Variants in VPS36 observed in about 807,000 individuals in gnomAD.
The protein encoded by VPS36 is vacuolar protein sorting 36 homolog, also known as vacuolar protein-sorting-associated protein 36.
Under a neutral mutation model 63.5 loss-of-function variants are expected in VPS36, and 31 were observed. That is an observed-to-expected ratio of 0.49 (90% confidence interval 0.37 to 0.66). VPS36 has a LOEUF of 0.66. Ranked by LOEUF, VPS36 falls within the 30% of genes least tolerant of loss-of-function variation. VPS36 has a pLI of 0.00. For synonymous variants in VPS36, 138 were observed against 157.2 expected (o/e 0.88, Z 0.91); for missense variants, 338 against 463.7 (o/e 0.73, Z 2.49).
intron 3 of VPS36, 78 bp from the exon 4 acceptor site, chr13:52,436,482 G>T: frequency 9.7e-7 from 1 of 1,031,546 alleles, no homozygotes. Flanking sequence ...AACTTTTTAT[G>T]TATTTCAAAT....
chr13:52,445,430 G>T (rs994352172), intron 1 of VPS36, among the ~76,000 whole-genome samples: 1 of 151,674 alleles, frequency 6.6e-6, no homozygotes, highest in Non-Finnish European at 1.5e-5. Flanking sequence ...ACGAGGTCAG[G>T]AGATCGAGAC....
chr13:52,449,937 A>G (rs1182778481), intron 1 of VPS36: 1 of 985,446 alleles, frequency 1.0e-6, no homozygotes, highest in Non-Finnish European at 1.2e-6. Context: ...ATACCTCTTT[A>G]GGAAATCCTT....
rs192108755 is a variant in VPS36 at position 52,424,767 on chromosome 13, G to A, written c.775-1128C>T. ...TTGGGAGGCCAAGGCAGGGGGATCA[G>A]CTGAGGTCAGGAGTTCGAGACTAGC... On this transcript the variant is annotated intron_variant, in intron 9 of 13. Coordinates refer to ENST00000378060, the MANE Select transcript of VPS36 (RefSeq NM_016075.4). Among the ~76,000 whole-genome samples, 1,121 of 152,164 alleles carry A rather than the reference G, an allele frequency of 7.4e-3. 6 individuals are homozygous for A. Among genetic ancestry groups the A allele is most frequent in the African/African-American group, 0.017 (698 of 41,490 alleles).
At chr13:52,441,188 C>T (rs150085817) in intron 2 of VPS36, among the ~76,000 whole-genome samples, 3 of 152,138 alleles carry the variant, frequency 2.0e-5, no homozygotes, top group African/African-American at 4.8e-5. Context: ...CAATATCAGA[C>T]CTAGGAGACA....
In VPS36 at chr13:52,423,607, C is replaced by T. The variant is rs1958066770; in HGVS notation, c.807G>A (p.Val269=). ...ERGGIMSLTE[V]YCLVNRARGM... is the part of the protein sequence containing the mutation. ...CTCGAGCTCGGTTTACTAAGCAGTA[C>T]ACCTCCGTGAGTGACATTATTCCCC... is the stretch of plus-strand genomic sequence containing the variant. The change falls in exon 10 of 14, where the codon GTG becomes GTA. Residue 269 remains valine (V), a synonymous_variant. Transcript: ENST00000378060. 1 of 1,611,926 alleles carries T rather than the reference C, an allele frequency of 6.2e-7. No individual in the cohort carries two copies. Among genetic ancestry groups the T allele is most frequent in the African/African-American group, 1.3e-5 (1 of 74,904 alleles).
intron 1 of VPS36, among the ~76,000 whole-genome samples, chr13:52,448,559 T>G (rs1053305950): frequency 1.3e-5 from 2 of 152,234 alleles, no homozygotes; most frequent in Non-Finnish European, 2.9e-5. Context: ...TAAAGCAATG[T>G]TTTCCCCATG....
chr13:52,415,972 G>C (rs1957989187), intron 13 of VPS36, 45 bp downstream of exon 13: 1 of 1,612,232 alleles, frequency 6.2e-7, no homozygotes, highest in East Asian at 2.2e-5. Flanking sequence ...TGTTCATGCA[G>C]ACACACAAAC....
Position 52,445,145 on chromosome 13 carries a change from G to A in VPS36, c.97-2700C>T, listed in dbSNP as rs140400303. Among the ~76,000 whole-genome samples the A allele has an allele frequency of 5.9e-5, 9 of 152,258 alleles. No homozygotes were observed. The East Asian group carries it at 1.5e-3, about 26-fold the overall frequency. ...ACAAACTTCAACATGTCAGAGAATA[G>A]ACCTTATGAGTCCATGTTTTTCTCA... On this transcript the variant is annotated intron_variant, in intron 1 of 13. Transcript: ENST00000378060.
chr13:52,441,154 T>C (rs1196632230), intron 2 of VPS36, among the ~76,000 whole-genome samples: 1 of 152,140 alleles, frequency 6.6e-6, no homozygotes, highest in Non-Finnish European at 1.5e-5. Context: ...ACCCCTGCTC[T>C]AAGGCATGCA....
At chr13:52,427,149 T>C (rs1301945638) in intron 7 of VPS36, 38 bp downstream of exon 7, 1 of 1,609,192 alleles carries the variant, frequency 6.2e-7, no homozygotes, top group Non-Finnish European at 8.5e-7. Context: ...AACTGTATCA[T>C]AATTGGTATG....
intron 3 of VPS36, among the ~76,000 whole-genome samples, chr13:52,436,978 T>G (rs1958225598): frequency 6.6e-6 from 1 of 152,042 alleles, no homozygotes; most frequent in Admixed American, 6.6e-5. Context: ...ACTACCATTA[T>G]CTTTATGACT....
chr13:52,437,774 C>T (rs1004319445), intron 3 of VPS36, among the ~76,000 whole-genome samples: 1 of 151,822 alleles, frequency 6.6e-6, no homozygotes, highest in African/African-American at 2.4e-5. Flanking sequence ...ACTAAAAATA[C>T]AAAAAATTAG....
At chr13:52,433,224 C>A (rs1056668963) in intron 6 of VPS36, among the ~76,000 whole-genome samples, 1 of 152,164 alleles carries the variant, frequency 6.6e-6, no homozygotes, top group African/African-American at 2.4e-5. Flanking sequence ...TGCTTTGAGC[C>A]GTTCTTACTG....
chr13:52,434,274 C>G (rs1365411969), intron 5 of VPS36, among the ~76,000 whole-genome samples: 2 of 152,198 alleles, frequency 1.3e-5, no homozygotes, highest in Non-Finnish European at 2.9e-5. Context: ...TTCTATCACC[C>G]TAAGAATTAC....
At chr13:52,423,521 T>G in intron 10 of VPS36, 53 bp downstream of exon 10, 1 of 1,480,462 alleles carries the variant, frequency 6.8e-7, no homozygotes. Context: ...TCGGAATTTG[T>G]ATTAAGAAAA....
intron 3 of VPS36, among the ~76,000 whole-genome samples, chr13:52,438,072 A>G (rs1209433984): frequency 5.9e-5 from 9 of 152,218 alleles, no homozygotes; most frequent in Non-Finnish European, 1.2e-4. Context: ...GTAACTTGGC[A>G]TATTACTGAA....
intron 8 of VPS36, among the ~76,000 whole-genome samples, chr13:52,426,719 G>A (rs935909923): frequency 2.0e-5 from 3 of 152,294 alleles, no homozygotes; most frequent in African/African-American, 4.8e-5. Context: ...GCCGGGCGTG[G>A]TGGCACGTGC....
At position 52,413,665 on chromosome 13, in the gene VPS36, C is replaced by T. The variant is rs976690001; in HGVS notation, c.*2165G>A. ...CCATAAAGCTACAAAGAGGCTCATG[C>T]TCCTAAGAGCAAAGTTAGGAAAACA... On this transcript the variant is annotated 3_prime_UTR_variant, in exon 14 of 14. Transcript: ENST00000378060. 2 of 152,434 alleles carry T rather than the reference C, an allele frequency of 1.3e-5. No homozygotes were observed. Among genetic ancestry groups the T allele is most frequent in the Non-Finnish European group, 2.9e-5 (2 of 68,012 alleles). 9.4% of individuals were successfully genotyped at this position (152,434 alleles called of 1,614,324 possible).
rs150816705 is a variant in VPS36, at chr13:52,436,218, A to AACACACACACACACACAC, written c.351+54_351+71dup. 2.0e-3 allele frequency: 1,292 copies of AACACACACACACACACAC among 643,858 alleles called. 10 individuals are homozygous for AACACACACACACACACAC. The highest frequency in any genetic ancestry group is 9.0e-3 in the African/African-American group (491 of 54,572). The allele number at this position is 643,858 out of a possible 1,614,324, so 39.9% of individuals were successfully genotyped here. ...ACCTTCCATCATATTAACAAGCCACAACACACACACACACACACACACACA... is the reference window on the plus strand; with the variant it reads ...ACCTTCCATCATATTAACAAGCCACAACACACACACACACACACACACACACACACACACACACACACA... On this transcript the variant is annotated intron_variant, in intron 4 of 13. Transcript: ENST00000378060.
Sources: allele counts gnomAD v4.1 joint callset (sites outside exome capture counted in the v4.1 genomes callset), GRCh38; gene constraint gnomAD v4.1.1; transcripts MANE v1.5; gene names NCBI Gene and HGNC (gene_info 2026-07-23, HGNC 2026-07-21).